Variants in CAST observed in about 807,000 individuals in gnomAD.
CAST encodes calpastatin.
A neutral mutation model predicts 119.6 loss-of-function variants in CAST; 76 were observed. The observed-to-expected ratio is 0.64, with a 90% CI of 0.53 to 0.77. The LOEUF is 0.77. Ranked by LOEUF, CAST falls within the 30% of genes least tolerant of loss-of-function variation. The probability of loss-of-function intolerance (pLI) is 0.00; values close to 1 mark genes in which losing one functional copy is unlikely to be tolerated. For missense variants in CAST, 953 were observed against 946.5 expected (o/e 1.01, Z -0.09); for synonymous variants, 319 against 331.6 (o/e 0.96, Z 0.41).
the CAST span, among the ~76,000 whole-genome samples, chr5:96,261,818 C>T: frequency 1.3e-5 from 2 of 152,118 alleles, no homozygotes; most frequent in Non-Finnish European, 2.9e-5. Context: ...TAGCGGCTGC[C>T]ATATTGGACA....
At chr5:95,971,577 T>A in the CAST span, among the ~76,000 whole-genome samples, 1 of 152,204 alleles carries the variant, frequency 6.6e-6, no homozygotes, top group Admixed American at 6.5e-5. Context: ...AGGAACTCCT[T>A]GAAAATACAT....
At chr5:95,969,182 T>G in the CAST span, among the ~76,000 whole-genome samples, 1,439 of 152,270 alleles carry the variant, frequency 9.5e-3, 25 homozygotes, top group African/African-American at 0.032. Flanking sequence ...CCAATAAAGA[T>G]GGATTGGGGA....
chr5:96,540,205 T>C (rs1367921477), intron 1 of CAST, among the ~76,000 whole-genome samples: 2 of 152,128 alleles, frequency 1.3e-5, no homozygotes, highest in Non-Finnish European at 2.9e-5. Context: ...TTTTTAAATA[T>C]TTAAATCATA....
At chr5:96,700,507 G>A (rs1753748155) in intron 3 of CAST, among the ~76,000 whole-genome samples, 1 of 152,124 alleles carries the variant, frequency 6.6e-6, no homozygotes, top group Non-Finnish European at 1.5e-5. Context: ...GAAGATTCTG[G>A]TTTAGGAAGT....
At chr5:96,200,898 C>T in the CAST span, among the ~76,000 whole-genome samples, 1 of 152,098 alleles carries the variant, frequency 6.6e-6, no homozygotes, top group Non-Finnish European at 1.5e-5. Flanking sequence ...GTCTGATCTA[C>T]TATAAAACTA....
chr5:95,989,184 G>T, the CAST span, among the ~76,000 whole-genome samples: 1 of 152,082 alleles, frequency 6.6e-6, no homozygotes, highest in Admixed American at 6.6e-5. Flanking sequence ...AACAAGGAAG[G>T]TAGTTGTTCT....
chr5:96,628,448 G>A (rs557524578), intron 1 of CAST, among the ~76,000 whole-genome samples: 19 of 152,286 alleles, frequency 1.2e-4, no homozygotes, highest in East Asian at 3.9e-4. Flanking sequence ...TCCTTGAAAC[G>A]TGCCCTAATA....
chr5:96,749,809 G>A (rs1764582454), intron 19 of CAST, among the ~76,000 whole-genome samples: 1 of 152,214 alleles, frequency 6.6e-6, no homozygotes. Flanking sequence ...GCCTCCCAAA[G>A]TGCTGGGATC....
the CAST span, among the ~76,000 whole-genome samples, chr5:96,369,221 G>T: frequency 6.6e-6 from 1 of 150,726 alleles, no homozygotes; most frequent in African/African-American, 2.4e-5. Flanking sequence ...GTTCTTGATG[G>T]ATTATTACAT....
the CAST span, among the ~76,000 whole-genome samples, chr5:96,307,966 T>C: frequency 5.3e-5 from 8 of 152,304 alleles, no homozygotes; most frequent in East Asian, 1.4e-3. Flanking sequence ...CTTTGTGGTG[T>C]TCTCTGCATT....
At chr5:96,550,718 T>G (rs1176191396) in intron 1 of CAST, among the ~76,000 whole-genome samples, 1 of 152,130 alleles carries the variant, frequency 6.6e-6, no homozygotes, top group African/African-American at 2.4e-5. Context: ...AGAGAAGAGC[T>G]TAAATGACCT....
the CAST span, among the ~76,000 whole-genome samples, chr5:96,430,477 G>A: frequency 6.6e-6 from 1 of 152,168 alleles, no homozygotes; most frequent in Non-Finnish European, 1.5e-5. Context: ...TGGAACTGGG[G>A]AGAGAAATCA....
chr5:96,443,036 A>G, the CAST span, among the ~76,000 whole-genome samples: 35,476 of 151,982 alleles, frequency 0.23, 4,316 homozygotes, highest in South Asian at 0.38. Context: ...TAGCTCTATT[A>G]TTATCTCTTC....
At chr5:96,121,795 A>G in the CAST span, among the ~76,000 whole-genome samples, 1 of 152,122 alleles carries the variant, frequency 6.6e-6, no homozygotes, top group Non-Finnish European at 1.5e-5. Flanking sequence ...TGGGATGGAA[A>G]GAGACATAGG....
chr5:96,172,191 G>C, the CAST span, among the ~76,000 whole-genome samples: 1 of 152,192 alleles, frequency 6.6e-6, no homozygotes, highest in Non-Finnish European at 1.5e-5. Flanking sequence ...TGCTCAGTTG[G>C]GGAGCCTTTG....
the CAST span, among the ~76,000 whole-genome samples, chr5:96,411,676 T>C: frequency 1.3e-5 from 2 of 152,180 alleles, no homozygotes; most frequent in African/African-American, 4.8e-5. Flanking sequence ...AGTTTTTTAC[T>C]AGTGTAAAAA....
At chr5:96,292,739 C>T in the CAST span, among the ~76,000 whole-genome samples, 61 of 152,182 alleles carry the variant, frequency 4.0e-4, no homozygotes, top group African/African-American at 8.4e-4. Flanking sequence ...ATGAGACTGA[C>T]GCGCTGCCCA....
the CAST span, among the ~76,000 whole-genome samples, chr5:96,069,958 C>T: frequency 2.0e-5 from 3 of 152,008 alleles, no homozygotes; most frequent in African/African-American, 7.2e-5. Context: ...TTGAGACTAG[C>T]TTGGCCAACA....
chr5:96,738,812 G>A (rs752779268), intron 11 of CAST, among the ~76,000 whole-genome samples: 1 of 151,854 alleles, frequency 6.6e-6, no homozygotes, highest in Non-Finnish European at 1.5e-5. Flanking sequence ...GCGCATGGCT[G>A]TAATCCCAGC....
Sources: allele counts gnomAD v4.1 joint callset (sites outside exome capture counted in the v4.1 genomes callset), GRCh38; gene constraint gnomAD v4.1.1; transcripts MANE v1.5; gene names NCBI Gene and HGNC (gene_info 2026-07-23, HGNC 2026-07-21).